Variants in APBB2 observed in about 807,000 individuals in gnomAD.
APBB2 encodes the protein Fe65-like 1.
A neutral mutation model predicts 82.5 loss-of-function variants in APBB2; 38 were observed. The observed-to-expected ratio is 0.46, with a 90% CI of 0.36 to 0.60. The LOEUF (loss-of-function observed/expected upper bound fraction) is 0.60, where lower values mean the gene tolerates loss of function less well. Among genes scored for constraint, APBB2 ranks in the 20% least tolerant of loss-of-function variants. The probability of loss-of-function intolerance (pLI) is 0.00; values close to 1 mark genes in which losing one functional copy is unlikely to be tolerated. For missense variants in APBB2, 772 were observed against 972.3 expected, an observed-to-expected ratio of 0.79 and a Z score of 2.74; for synonymous variants, 341 against 368.2, an observed-to-expected ratio of 0.93 and a Z score of 0.85.
intron 2 of APBB2, chr4:41,138,157 C>T (rs925595814): frequency 2.0e-5 from 2 of 101,850 alleles, no homozygotes; most frequent in African/African-American, 7.3e-5. Context: ...CAGAGTGAGA[C>T]TGCATTTAAA....
At chr4:40,845,933 T>C (rs1235464954) in intron 12 of APBB2, among the ~76,000 whole-genome samples, 3 of 147,544 alleles carry the variant, frequency 2.0e-5, no homozygotes, top group Non-Finnish European at 4.5e-5. Flanking sequence ...CACCAGCTCC[T>C]GAGTCTGACA....
At chr4:41,168,850 AAAGGT>A (rs1767448637) in intron 1 of APBB2, among the ~76,000 whole-genome samples, 1 of 152,160 alleles carries the variant, frequency 6.6e-6, no homozygotes, top group South Asian at 2.1e-4. Context: ...CAGCCCACAC[AAAGGT>A]AAGGAAGAGG....
chr4:40,977,322 T>TG (rs1797420905), intron 6 of APBB2, among the ~76,000 whole-genome samples: 1 of 151,746 alleles, frequency 6.6e-6, no homozygotes, highest in Non-Finnish European at 1.5e-5. Flanking sequence ...ATAGTTGTTT[T>TG]TTTTTTTTTT....
At chr4:40,869,448 C>A (rs540096900) in intron 12 of APBB2, among the ~76,000 whole-genome samples, 1 of 151,184 alleles carries the variant, frequency 6.6e-6, no homozygotes. Flanking sequence ...ATTAACTGGG[C>A]GAAGTGGCAT....
chr4:41,206,965 A>G (rs1027308602), intron 1 of APBB2, among the ~76,000 whole-genome samples: 1 of 152,102 alleles, frequency 6.6e-6, no homozygotes, highest in African/African-American at 2.4e-5. Flanking sequence ...TGAGAGGCTG[A>G]GGCGGGCAGA....
intron 1 of APBB2, among the ~76,000 whole-genome samples, chr4:41,182,534 T>G (rs1334131951): frequency 2.0e-5 from 3 of 152,246 alleles, no homozygotes; most frequent in Non-Finnish European, 4.4e-5. Flanking sequence ...GATTCCAGAA[T>G]CTCTCATATA....
At chr4:40,818,270 A>G (rs777334837) in intron 17 of APBB2, among the ~76,000 whole-genome samples, 1 of 152,184 alleles carries the variant, frequency 6.6e-6, no homozygotes, top group Non-Finnish European at 1.5e-5. Flanking sequence ...GTTTGATTTT[A>G]CTAGTATGCC....
chr4:41,036,494 A>G (rs1345473198), intron 4 of APBB2, among the ~76,000 whole-genome samples: 1 of 152,216 alleles, frequency 6.6e-6, no homozygotes, highest in Non-Finnish European at 1.5e-5. Context: ...TTATGCTAGG[A>G]GCAGGGGATA....
intron 6 of APBB2, among the ~76,000 whole-genome samples, chr4:40,977,663 T>C (rs1797522878): frequency 6.6e-6 from 1 of 152,192 alleles, no homozygotes; most frequent in Non-Finnish European, 1.5e-5. Context: ...AGAGCGTCTA[T>C]ATATATTAAT....
At chr4:41,114,120 C>G (rs538720914) in intron 2 of APBB2, 1 of 152,402 alleles carries the variant, frequency 6.6e-6, no homozygotes, top group Admixed American at 6.5e-5. Context: ...AAAAGCTTAT[C>G]CACCACGATC....
intron 1 of APBB2, among the ~76,000 whole-genome samples, chr4:41,158,893 T>C (rs1418969893): frequency 2.0e-5 from 3 of 152,172 alleles, no homozygotes; most frequent in East Asian, 3.9e-4. Context: ...GTTCCTAGCA[T>C]AGCCGAGATT....
At chr4:40,980,896 A>G (rs1191657096) in intron 6 of APBB2, among the ~76,000 whole-genome samples, 2 of 152,222 alleles carry the variant, frequency 1.3e-5, no homozygotes, top group African/African-American at 4.8e-5. Context: ...AAGTGGGATG[A>G]GAGAACCACC....
intron 6 of APBB2, among the ~76,000 whole-genome samples, chr4:40,997,840 T>C (rs1488212268): frequency 6.6e-6 from 1 of 152,196 alleles, no homozygotes; most frequent in Non-Finnish European, 1.5e-5. Context: ...TTTTATTAAA[T>C]CTCAACCCCA....
intron 1 of APBB2, among the ~76,000 whole-genome samples, chr4:41,182,090 C>T (rs545926708): frequency 6.6e-6 from 1 of 152,214 alleles, no homozygotes; most frequent in South Asian, 2.1e-4. Flanking sequence ...CTAAGAAGGT[C>T]ACATAAAGAT....
chr4:41,097,860 G>C (rs1744076776), intron 3 of APBB2, among the ~76,000 whole-genome samples: 1 of 152,102 alleles, frequency 6.6e-6, no homozygotes, highest in Non-Finnish European at 1.5e-5. Flanking sequence ...GAAGTGTGGA[G>C]GTTGTCTAGG....
intron 10 of APBB2, among the ~76,000 whole-genome samples, chr4:40,914,907 C>A (rs1779476028): frequency 6.6e-6 from 1 of 152,104 alleles, no homozygotes; most frequent in South Asian, 2.1e-4. Context: ...AACCATGAGT[C>A]CCTGGGTTTT....
intron 3 of APBB2, among the ~76,000 whole-genome samples, chr4:41,086,628 A>G (rs1739793691): frequency 6.6e-6 from 1 of 152,210 alleles, no homozygotes; most frequent in Admixed American, 6.5e-5. Flanking sequence ...TTCATGATAA[A>G]AAACATTCAA....
chr4:40,824,496 A>AT (rs879686855), intron 15 of APBB2, among the ~76,000 whole-genome samples: 2 of 151,294 alleles, frequency 1.3e-5, no homozygotes, highest in African/African-American at 2.4e-5. Context: ...ACCATCATCA[A>AT]TTTTTTTTTG....
chr4:41,204,804 T>C (rs866788486), intron 1 of APBB2, among the ~76,000 whole-genome samples: 33 of 152,286 alleles, frequency 2.2e-4, no homozygotes, highest in African/African-American at 7.5e-4. Context: ...AGGGGAGAGA[T>C]GACTGTGTCA....
Sources: gnomAD v4.1 joint callset for allele counts (sites outside exome capture counted in the v4.1 genomes callset) on GRCh38, gnomAD v4.1.1 for gene constraint, MANE v1.5 for transcripts, NCBI Gene and HGNC (gene_info 2026-07-23, HGNC 2026-07-21) for gene names.